The following MAF variants were observed in gnomAD, a reference collection of about 807,000 sequenced individuals.
MAF encodes the protein MAF bZIP transcription factor, also known as transcription factor Maf.
MAF carries 10 observed loss-of-function variants against 22.0 expected under a neutral mutation model. The observed-to-expected ratio is 0.45, with a 90% CI of 0.28 to 0.77. The LOEUF is 0.77. Ranked by LOEUF, MAF falls within the 30% of genes least tolerant of loss-of-function variation. The pLI is 0.12. For missense variants in MAF, 544 were observed against 548.4 expected, an observed-to-expected ratio of 0.99 and a Z score of 0.08; for synonymous variants, 337 against 255.8, an observed-to-expected ratio of 1.32 and a Z score of -3.03.
At chr16:79,393,761 C>G in the MAF span, among the ~76,000 whole-genome samples, 3 of 152,248 alleles carry the variant, frequency 2.0e-5, no homozygotes, top group Middle Eastern at 6.8e-3. Flanking sequence ...CATTAAAGGG[C>G]TGAGTCAGCA....
chr16:79,224,332 A>G, the MAF span, among the ~76,000 whole-genome samples: 1 of 152,210 alleles, frequency 6.6e-6, no homozygotes, highest in Non-Finnish European at 1.5e-5. Context: ...AAAACTCTCA[A>G]TAAACTAGGT....
chr16:79,434,285 C>T, the MAF span, among the ~76,000 whole-genome samples: 17 of 152,212 alleles, frequency 1.1e-4, no homozygotes, highest in African/African-American at 4.1e-4. Flanking sequence ...GAAGCTCACA[C>T]ATACACACAC....
chr16:79,273,636 G>A, the MAF span, among the ~76,000 whole-genome samples: 1 of 152,116 alleles, frequency 6.6e-6, no homozygotes, highest in East Asian at 1.9e-4. Flanking sequence ...TGTCTTCAAA[G>A]CCAGCAATGG....
the MAF span, among the ~76,000 whole-genome samples, chr16:79,413,210 G>GTTT: frequency 3.1e-5 from 2 of 63,620 alleles, no homozygotes; most frequent in Non-Finnish European, 3.0e-5. Flanking sequence ...GAGCTGTGCA[G>GTTT]TTTTTTTTTT....
intron 1 of MAF, chr16:79,595,395 T>A: frequency 9.5e-7 from 1 of 1,052,932 alleles, no homozygotes; most frequent in Non-Finnish European, 1.1e-6. Flanking sequence ...AGTCTTTCAG[T>A]CAGAGTTGCA....
chr16:79,431,678 C>A, the MAF span, among the ~76,000 whole-genome samples: 1 of 152,182 alleles, frequency 6.6e-6, no homozygotes. Flanking sequence ...TGTTTTCCGA[C>A]TCAAAGGCGC....
the MAF span, among the ~76,000 whole-genome samples, chr16:79,557,988 C>A: frequency 6.5e-4 from 98 of 151,838 alleles, 2 homozygotes; most frequent in Non-Finnish European, 2.9e-5. Flanking sequence ...TCTGAGGCAG[C>A]CACCAAGAAA....
chr16:79,566,376 G>A, the MAF span, among the ~76,000 whole-genome samples: 1 of 152,224 alleles, frequency 6.6e-6, no homozygotes. Flanking sequence ...GGGATTCACA[G>A]CAGGGAGTGG....
chr16:79,534,863 T>A, the MAF span, among the ~76,000 whole-genome samples: 429 of 152,312 alleles, frequency 2.8e-3, 2 homozygotes, highest in African/African-American at 9.8e-3. Flanking sequence ...ATCCAAAATT[T>A]GATCCCAGGT....
At chr16:79,411,175 C>T in the MAF span, among the ~76,000 whole-genome samples, 17 of 152,110 alleles carry the variant, frequency 1.1e-4, no homozygotes, top group Non-Finnish European at 2.1e-4. Context: ...TGATTTTGTT[C>T]GCCTTGCAGT....
chr16:79,292,257 G>A, the MAF span, among the ~76,000 whole-genome samples: 11 of 152,272 alleles, frequency 7.2e-5, no homozygotes, highest in East Asian at 1.4e-3. Flanking sequence ...GGATTAGGGT[G>A]AGCCCTAAAT....
chr16:79,598,612 T>TGTG, intron 1 of MAF, 173 bp downstream of exon 1: 4 of 1,079,730 alleles, frequency 3.7e-6, no homozygotes, highest in East Asian at 5.8e-5. Flanking sequence ...GTGTGTGTGG[T>TGTG]GTGTGCGTGC....
downstream of MAF, among the ~76,000 whole-genome samples, chr16:79,588,945 G>A (rs1245592673): frequency 6.6e-6 from 1 of 152,008 alleles, no homozygotes; most frequent in Non-Finnish European, 1.5e-5. Flanking sequence ...AGATTACCGA[G>A]GGTTTTTCCG....
At chr16:79,528,530 T>A in the MAF span, among the ~76,000 whole-genome samples, 6 of 152,126 alleles carry the variant, frequency 3.9e-5, no homozygotes, top group African/African-American at 1.4e-4. Flanking sequence ...AGATTCAGCA[T>A]GAAGGATCTT....
chr16:79,453,497 A>G, the MAF span, among the ~76,000 whole-genome samples: 2 of 152,378 alleles, frequency 1.3e-5, no homozygotes, highest in African/African-American at 2.4e-5. Context: ...AATTCATTCC[A>G]TCTTCATTAA....
chr16:79,504,407 G>A, the MAF span, among the ~76,000 whole-genome samples: 3 of 152,178 alleles, frequency 2.0e-5, no homozygotes, highest in Admixed American at 6.5e-5. Context: ...TCTTATAGCT[G>A]CATAACTTCG....
At chr16:79,344,735 TTATTTA>T in the MAF span, among the ~76,000 whole-genome samples, 10 of 152,184 alleles carry the variant, frequency 6.6e-5, no homozygotes, top group African/African-American at 9.7e-5. Context: ...ACCATCCTGT[TTATTTA>T]TATTAGGTAT....
the MAF span, among the ~76,000 whole-genome samples, chr16:79,410,574 C>T: frequency 1.7e-4 from 26 of 152,256 alleles, no homozygotes; most frequent in African/African-American, 6.3e-4. Context: ...TAGACAAGTC[C>T]CTGATCTCAA....
the MAF span, among the ~76,000 whole-genome samples, chr16:79,470,203 G>A: frequency 6.6e-6 from 1 of 152,206 alleles, no homozygotes; most frequent in African/African-American, 2.4e-5. Context: ...TAGGAACTCT[G>A]GTTCTGAGGA....
Sources: gnomAD v4.1 joint callset for allele counts (sites outside exome capture counted in the v4.1 genomes callset) on GRCh38, gnomAD v4.1.1 for gene constraint, MANE v1.5 for transcripts, NCBI Gene and HGNC (gene_info 2026-07-23, HGNC 2026-07-21) for gene names.